Variants in USP42 observed in about 807,000 individuals in gnomAD.
USP42 encodes ubiquitin specific peptidase 42.
In USP42, 23 loss-of-function variants were observed where a neutral mutation model predicts 113.0. The ratio of observed to expected loss-of-function variants is 0.20; its 90% CI spans 0.15 to 0.29. The LOEUF is 0.29. Ranked by LOEUF, USP42 falls within the 10% of genes least tolerant of loss-of-function variation. The pLI is 1.00. For synonymous variants in USP42, 933 were observed against 699.0 expected, an observed-to-expected ratio of 1.33 and a Z score of -5.28; for missense variants, 2,174 against 1,779.8, an observed-to-expected ratio of 1.22 and a Z score of -3.99.
rs997753180 is a variant in USP42, at chr7:6,158,995, G to C, written c.3944-455G>C. The stretch of plus-strand genomic sequence containing the variant: ...CCCCGTCCCACTGCACCGATGACAG[G>C]GTTTGCAGCTGGCGCTTCTGCTGCG... On this transcript the variant is annotated intron_variant, in intron 16 of 17. Transcript: ENST00000306177. This position sits in a 1 kb window ranked among gnomAD's most constrained non-coding sequence, Gnocchi z 4.2. 6.6e-6 allele frequency among the ~76,000 whole-genome samples: 1 copy of C among 152,162 alleles called. No homozygotes were observed. The highest frequency in any genetic ancestry group is 1.5e-5 in the Non-Finnish European group (1 of 68,024).
intron 3 of USP42, among the ~76,000 whole-genome samples, chr7:6,131,807 A>G (rs1035927109): frequency 7.2e-5 from 11 of 152,298 alleles, no homozygotes; most frequent in Middle Eastern, 3.4e-3. Context: ...TTCATTTTAT[A>G]CACAATGGTC....
the USP42 span, chr7:6,085,283 C>G: frequency 5.2e-5 from 7 of 133,764 alleles, no homozygotes. Flanking sequence ...CCATGCCCGA[C>G]TAATTTTTTT....
Position 6,147,742 on chromosome 7 carries a change from C to T in USP42, c.1236C>T (p.Ser412=), listed in dbSNP as rs772997740. The T allele has an allele frequency of 1.3e-6, 2 of 1,579,746 alleles. No homozygotes were observed. The highest frequency in any genetic ancestry group is 1.3e-5 in the African/African-American group (1 of 74,142). ...GTATCGCTCTCCTTGTTTCCAGGTC[C>T]CATGATGTGAAAAATGGAGGTGAAC... ...QQAYVLFYIR[S]HDVKNGGELT... The change falls in exon 12 of 18, where the codon TCC becomes TCT. Residue 412 remains serine, a synonymous_variant. Coordinates refer to ENST00000306177, the MANE Select transcript of USP42 (RefSeq NM_032172.3).
In USP42 at chr7:6,153,845, A is replaced by G. The variant is rs1350933600; in HGVS notation, c.2291A>G (p.Asp764Gly). The G allele has an allele frequency of 1.3e-6, 2 of 1,546,652 alleles. No individual in the cohort carries two copies. The highest frequency in any genetic ancestry group is 2.5e-5 in the East Asian group (1 of 40,616). ...GCCGCCGAATCCCTGGAGGAGCCAG[A>G]TGCGGCCGCCGGCCTCAGCAGCACC... ...SPAAESLEEP[D>G]AAAGLSSTKK... is the part of the protein sequence containing the mutation. The change falls in exon 15 of 18, where the codon GAT (aspartate) becomes GGT (glycine). Residue 764 changes from aspartate to glycine, a missense_variant. By Grantham distance (94) the Asp-to-Gly change is moderately conservative (BLOSUM62 -1). Transcript: ENST00000306177.
At chr7:6,094,120 G>A in the USP42 span, among the ~76,000 whole-genome samples, 1 of 150,790 alleles carries the variant, frequency 6.6e-6, no homozygotes, top group Admixed American at 6.6e-5. Flanking sequence ...CTGACCTCGT[G>A]ATCCACCTGC....
At chr7:6,133,787 T>G (rs1291088845) in intron 3 of USP42, among the ~76,000 whole-genome samples, 1 of 152,176 alleles carries the variant, frequency 6.6e-6, no homozygotes, top group Non-Finnish European at 1.5e-5. Context: ...CCCGAAGCAC[T>G]GGGATGACAG....
At position 6,139,052 on chromosome 7, in the gene USP42, C is replaced by T. The variant is rs760968519; in HGVS notation, c.554-40C>T. The stretch of plus-strand genomic sequence containing the variant: ...TGGGGGGTACAACTTAGGCTTATTA[C>T]GTGTAATGATAAAGCCTTGTCTTTA... On this transcript the variant is annotated intron_variant, in intron 4 of 17. Coordinates refer to ENST00000306177, the MANE Select transcript of USP42 (RefSeq NM_032172.3). The surrounding 1 kb of genome is among the most constrained non-coding windows in gnomAD (Gnocchi z 4.5). 29 of 1,362,966 alleles carry T rather than the reference C, an allele frequency of 2.1e-5. No individual in the cohort carries two copies. Among genetic ancestry groups the T allele is most frequent in the South Asian group, 1.7e-4 (13 of 77,066 alleles). 84.4% of individuals were successfully genotyped at this position (1,362,966 alleles called of 1,614,324 possible).
At chr7:6,093,951 G>A in the USP42 span, among the ~76,000 whole-genome samples, 8 of 143,898 alleles carry the variant, frequency 5.6e-5, no homozygotes, top group Admixed American at 2.8e-4. Flanking sequence ...AGTGCATGGC[G>A]CGATGTGGGC....
the USP42 span, among the ~76,000 whole-genome samples, chr7:6,081,987 T>A: frequency 6.6e-6 from 1 of 152,194 alleles, no homozygotes; most frequent in Admixed American, 6.6e-5. Flanking sequence ...AATAAAAATA[T>A]AAGTTCCAAA....
intron 10 of USP42, 30 bp downstream of exon 10, chr7:6,145,686 T>C (rs1260230773): frequency 6.2e-7 from 1 of 1,602,556 alleles, no homozygotes; most frequent in African/African-American, 1.3e-5. Context: ...TATTAACTAT[T>C]GTTACATACA....
chr7:6,145,902 TC>T lies in USP42; in HGVS notation c.1132-245del, dbSNP rs1473831729. ...CTGGCCAACAGGGTGAAACCCCGCC[TC>T]TATTAAAAATACAAAAATTATCTGC... On this transcript the variant is annotated intron_variant, in intron 10 of 17. Coordinates refer to ENST00000306177, the MANE Select transcript of USP42 (RefSeq NM_032172.3). Among the ~76,000 whole-genome samples the T allele has an allele frequency of 1.9e-3, 296 of 152,266 alleles. 2 individuals carry two copies. Among genetic ancestry groups the T allele is most frequent in the Non-Finnish European group, 3.4e-3 (228 of 68,008 alleles).
chr7:6,146,425 C>G (rs1178108412), intron 11 of USP42, among the ~76,000 whole-genome samples, 177 bp downstream of exon 11: 2 of 151,938 alleles, frequency 1.3e-5, no homozygotes, highest in African/African-American at 2.4e-5. Flanking sequence ...TTTGGGCGGC[C>G]AAGATGGAAG....
chr7:6,140,872 G>A (rs1781392597), intron 6 of USP42, 42 bp from the exon 7 acceptor site: 1 of 1,128,230 alleles, frequency 8.9e-7, no homozygotes, highest in Non-Finnish European at 1.3e-6. Flanking sequence ...TTGCTGTAAT[G>A]ATTATACTTT....
chr7:6,108,551 G>T (rs1190456635), intron 1 of USP42, among the ~76,000 whole-genome samples: 1 of 152,096 alleles, frequency 6.6e-6, no homozygotes, highest in Non-Finnish European at 1.5e-5. Flanking sequence ...CGCGATCTCA[G>T]CTCACTGCAA....
chr7:6,151,319 A>T (rs1056704593), intron 14 of USP42, among the ~76,000 whole-genome samples: 2 of 152,198 alleles, frequency 1.3e-5, no homozygotes, highest in African/African-American at 4.8e-5. Flanking sequence ...TAGTAAACAC[A>T]CCTTAGCTTA....
At chr7:6,107,037 T>C (rs1779321178) in intron 1 of USP42, among the ~76,000 whole-genome samples, 1 of 152,264 alleles carries the variant, frequency 6.6e-6, no homozygotes, top group African/African-American at 2.4e-5. Context: ...AGAAAGGTTA[T>C]GTGTGTAGCA....
chr7:6,132,706 C>T (rs765159602), intron 3 of USP42, among the ~76,000 whole-genome samples: 1 of 152,070 alleles, frequency 6.6e-6, no homozygotes, highest in Non-Finnish European at 1.5e-5. Context: ...GAGTTTTGCT[C>T]TGTTGCCCAG....
chr7:6,092,208 C>T, the USP42 span, among the ~76,000 whole-genome samples: 10 of 121,330 alleles, frequency 8.2e-5, no homozygotes, highest in Admixed American at 5.9e-4. Flanking sequence ...GACAGATTCT[C>T]GCTTTGTCGC....
chr7:6,106,359 T>C (rs1308135723), intron 1 of USP42, among the ~76,000 whole-genome samples: 1 of 152,224 alleles, frequency 6.6e-6, no homozygotes, highest in Non-Finnish European at 1.5e-5. Flanking sequence ...GCTAATATTA[T>C]TACCTCAATG....
Sources: gnomAD v4.1 joint callset for allele counts (sites outside exome capture counted in the v4.1 genomes callset) on GRCh38, gnomAD v4.1.1 for gene constraint, Gnocchi (gnomAD v3.1) non-coding constraint, MANE v1.5 for transcripts, NCBI Gene and HGNC (gene_info 2026-07-23, HGNC 2026-07-21) for gene names.